ERBIN: variants seen among roughly 807,000 people sequenced by gnomAD.
The protein encoded by ERBIN is densin-180-like protein.
In ERBIN, 60 loss-of-function variants were observed where a neutral mutation model predicts 158.4. The observed-to-expected ratio is 0.38, with a 90% confidence interval of 0.31 to 0.47. The LOEUF is 0.47. ERBIN is among the 20% of genes least tolerant of loss of function. ERBIN has a pLI of 0.99. For synonymous variants in ERBIN, 594 were observed against 557.2 expected (o/e 1.07, Z -0.93); for missense variants, 1,610 against 1,648.0 (o/e 0.98, Z 0.40).
chr5:65,977,711 G>A (rs1382810403), intron 1 of ERBIN, among the ~76,000 whole-genome samples: 10 of 151,014 alleles, frequency 6.6e-5, no homozygotes, highest in African/African-American at 2.4e-4. Context: ...CTTCCCAGAC[G>A]ATGGGCGGCC....
intron 1 of ERBIN, among the ~76,000 whole-genome samples, chr5:65,962,137 A>T (rs773690919): frequency 1.4e-4 from 22 of 152,324 alleles, no homozygotes; most frequent in African/African-American, 5.1e-4. Context: ...TATATTAAAG[A>T]TGATATCTGA....
At chr5:66,036,607 A>T (rs10052767) in intron 14 of ERBIN, among the ~76,000 whole-genome samples, 8,781 of 152,220 alleles carry the variant, frequency 0.058, 888 homozygotes, top group African/African-American at 0.2. Flanking sequence ...GAATTACAGT[A>T]GCAGTTGCCT....
chr5:65,994,669 T>C (rs2151054538), intron 3 of ERBIN, 78 bp from the exon 4 acceptor site: 3 of 765,780 alleles, frequency 3.9e-6, no homozygotes, highest in Non-Finnish European at 6.4e-6. Flanking sequence ...AGTTTTAATA[T>C]GGCTGATAAT....
chr5:65,934,900 T>C (rs997940730), intron 1 of ERBIN, among the ~76,000 whole-genome samples: 1 of 152,204 alleles, frequency 6.6e-6, no homozygotes, highest in Non-Finnish European at 1.5e-5. Context: ...TGGCTTATTT[T>C]CTTTTTTGTT....
chr5:66,036,180 CTG>C (rs1232142663), intron 14 of ERBIN, among the ~76,000 whole-genome samples: 1 of 152,188 alleles, frequency 6.6e-6, no homozygotes, highest in East Asian at 1.9e-4. Flanking sequence ...TGCTGACAGA[CTG>C]TTGAGGTAGC....
chr5:65,978,786 A>G (rs1158807200), intron 1 of ERBIN, among the ~76,000 whole-genome samples: 3 of 152,232 alleles, frequency 2.0e-5, no homozygotes, highest in African/African-American at 4.8e-5. Flanking sequence ...CATTTTGCCA[A>G]GAAGTCGCAG....
At chr5:66,018,508 ATATATTATATAATATATAT>A (rs1755157193) in intron 7 of ERBIN, among the ~76,000 whole-genome samples, 2 of 10,064 alleles carry the variant, frequency 2.0e-4, no homozygotes, top group East Asian at 1.9e-3. Flanking sequence ...AATATATATT[ATATATTATATAATATATAT>A]TATATTATAT....
At chr5:66,071,940 CAA>C (rs1455599706) in intron 21 of ERBIN, among the ~76,000 whole-genome samples, 3 of 151,994 alleles carry the variant, frequency 2.0e-5, no homozygotes, top group Admixed American at 1.3e-4. Flanking sequence ...AGTAGATTAA[CAA>C]TATGTTTTCA....
intron 1 of ERBIN, among the ~76,000 whole-genome samples, chr5:65,941,190 A>C (rs1424834508): frequency 6.6e-6 from 1 of 152,058 alleles, no homozygotes; most frequent in Admixed American, 6.6e-5. Context: ...GGAAGGCCGC[A>C]GGGTCCTCTG....
At chr5:66,047,344 A>G (rs1010164902) in intron 18 of ERBIN, among the ~76,000 whole-genome samples, 6 of 152,102 alleles carry the variant, frequency 3.9e-5, no homozygotes, top group African/African-American at 1.2e-4. Context: ...TACATTGTGT[A>G]TATCCACCCT....
chr5:66,004,859 A>G (rs1195575028), intron 4 of ERBIN, among the ~76,000 whole-genome samples: 2 of 152,180 alleles, frequency 1.3e-5, no homozygotes, highest in African/African-American at 2.4e-5. Flanking sequence ...CGTCTATAGC[A>G]TGTGTGAGGA....
chr5:66,014,174 TC>T (rs2151110019), intron 6 of ERBIN, among the ~76,000 whole-genome samples: 1 of 152,306 alleles, frequency 6.6e-6, no homozygotes, highest in Non-Finnish European at 1.5e-5. Context: ...TATCTAAAAA[TC>T]ATTGATGTAC....
intron 21 of ERBIN, among the ~76,000 whole-genome samples, chr5:66,069,704 C>G (rs975700282): frequency 2.6e-5 from 4 of 152,176 alleles, no homozygotes; most frequent in Non-Finnish European, 5.9e-5. Context: ...AGCATGGTCT[C>G]TAGAATATTT....
At chr5:66,073,877 C>G (rs1002320798) in intron 22 of ERBIN, among the ~76,000 whole-genome samples, 15 of 151,556 alleles carry the variant, frequency 9.9e-5, no homozygotes, top group Admixed American at 9.2e-4. Flanking sequence ...TGACTGTAAC[C>G]TCTTTTTTGT....
intron 21 of ERBIN, among the ~76,000 whole-genome samples, chr5:66,071,247 T>A (rs1761500602): frequency 2.6e-5 from 4 of 152,080 alleles, no homozygotes; most frequent in Non-Finnish European, 5.9e-5. Flanking sequence ...ACCACAACTG[T>A]TATCCCAGCT....
At chr5:66,003,343 G>T (rs955308862) in intron 4 of ERBIN, among the ~76,000 whole-genome samples, 1 of 151,486 alleles carries the variant, frequency 6.6e-6, no homozygotes, top group Non-Finnish European at 1.5e-5. Flanking sequence ...ATTCATGAGG[G>T]TCGCAGAAGG....
intron 4 of ERBIN, among the ~76,000 whole-genome samples, chr5:66,000,261 G>A (rs892566111): frequency 6.6e-6 from 1 of 152,110 alleles, no homozygotes; most frequent in Non-Finnish European, 1.5e-5. Flanking sequence ...TTGCATATAT[G>A]CTTCATGAAA....
chr5:66,072,413 A>T, intron 22 of ERBIN, 122 bp downstream of exon 22: 1 of 964,746 alleles, frequency 1.0e-6, no homozygotes, highest in Non-Finnish European at 1.4e-6. Flanking sequence ...CCCCTTTATT[A>T]GTAAGGATTT....
rs1032372435 is a variant in ERBIN, at chr5:66,079,248, T to C, written c.*718T>C. Reference sequence around the variant, plus strand: ...TTATGAGCTCGGCAGGATCTGTTCTTGTCATAGCCATTGACTATACATTTG... The same window carrying C: ...TTATGAGCTCGGCAGGATCTGTTCTCGTCATAGCCATTGACTATACATTTG... On this transcript the variant is annotated 3_prime_UTR_variant, in exon 26 of 26. Coordinates refer to ENST00000284037, the MANE Select transcript of ERBIN (RefSeq NM_001253697.2). 1 of 152,620 alleles carries C rather than the reference T, an allele frequency of 6.6e-6. No homozygotes were observed. The highest frequency in any genetic ancestry group is 1.5e-5 in the Non-Finnish European group (1 of 68,038). 9.5% of individuals were successfully genotyped at this position (152,620 alleles called of 1,614,324 possible).
Sources: gnomAD v4.1 joint callset for allele counts (sites outside exome capture counted in the v4.1 genomes callset) on GRCh38, gnomAD v4.1.1 for gene constraint, MANE v1.5 for transcripts, NCBI Gene and HGNC (gene_info 2026-07-23, HGNC 2026-07-21) for gene names.